The following ZFPM1 variants were observed in gnomAD, a reference collection of about 807,000 sequenced individuals.
ZFPM1 encodes zinc finger protein, FOG family member 1.
Under a neutral mutation model 46.3 loss-of-function variants are expected in ZFPM1, and 28 were observed. The observed-to-expected ratio is 0.60, with a 90% CI of 0.45 to 0.83. The LOEUF is 0.83. Ranked by LOEUF, ZFPM1 falls within the 40% of genes least tolerant of loss-of-function variation. The pLI, the probability that ZFPM1 is intolerant of heterozygous loss-of-function variation, is 0.00. For synonymous variants in ZFPM1, 957 were observed against 675.9 expected, an observed-to-expected ratio of 1.42 and a Z score of -6.45; for missense variants, 1,878 against 1,432.4, an observed-to-expected ratio of 1.31 and a Z score of -5.02.
rs1445014670 is a variant in ZFPM1, at chr16:88,536,109, C to G, written c.*1130C>G. ...TAGCTGGGGCTACAGGTGTACACCACCATGCCCAGCTAGTTTTTGTGTTTT... is the reference window on the plus strand; with the variant it reads ...TAGCTGGGGCTACAGGTGTACACCAGCATGCCCAGCTAGTTTTTGTGTTTT... On this transcript the variant is annotated 3_prime_UTR_variant, in exon 10 of 10. Coordinates refer to ENST00000319555, the MANE Select transcript of ZFPM1 (RefSeq NM_153813.3). The G allele has an allele frequency of 1.9e-4, 29 of 152,154 alleles. No homozygotes were observed. Among genetic ancestry groups the G allele is most frequent in the Non-Finnish European group, 2.9e-5 (2 of 68,040 alleles). The allele number at this position is 152,154 out of a possible 1,614,324, so 9.4% of individuals were successfully genotyped here.
intron 3 of ZFPM1, 59 bp downstream of exon 3, chr16:88,489,212 C>T (rs1909417559): frequency 6.5e-7 from 1 of 1,531,718 alleles, no homozygotes. Context: ...GGCCCGGCCC[C>T]TGGGAGCAGG....
intron 1 of ZFPM1, among the ~76,000 whole-genome samples, chr16:88,460,442 T>C (rs1490033487): frequency 6.6e-6 from 1 of 152,164 alleles, no homozygotes; most frequent in Non-Finnish European, 1.5e-5. Flanking sequence ...GTTGGTTCAA[T>C]GGGCATACCC....
Position 88,471,985 on chromosome 16 carries a change from T to A in ZFPM1, c.41-13954T>A, listed in dbSNP as rs1283347681. On this transcript the variant is annotated intron_variant, in intron 1 of 9. Coordinates refer to ENST00000319555, the MANE Select transcript of ZFPM1 (RefSeq NM_153813.3). The surrounding 1 kb of genome is among the most constrained non-coding windows in gnomAD (Gnocchi z 4.1). ...GGGAGTGGAGCCAGAAGCCTGGGCC[T>A]CCCCGGTAGGAGCCCGGCAGGGCCA... 1.3e-5 allele frequency among the ~76,000 whole-genome samples: 2 copies of A among 152,190 alleles called. No individual in the cohort carries two copies. Among genetic ancestry groups the A allele is most frequent in the Non-Finnish European group, 2.9e-5 (2 of 68,028 alleles).
At chr16:88,484,414 C>T (rs1216551976) in intron 1 of ZFPM1, among the ~76,000 whole-genome samples, 2 of 152,226 alleles carry the variant, frequency 1.3e-5, no homozygotes, top group African/African-American at 4.8e-5. Flanking sequence ...TCTGTTCTGC[C>T]CCACCCCCAC....
At chr16:88,500,795 C>T (rs1273822195) in intron 3 of ZFPM1, among the ~76,000 whole-genome samples, 4 of 152,256 alleles carry the variant, frequency 2.6e-5, no homozygotes, top group African/African-American at 7.2e-5. Flanking sequence ...GCAGGGCCCA[C>T]AGTTTCTCTT....
chr16:88,520,896 TGTGGGTGGATGGATGGATGGATGATTCG>T (rs1911822339), intron 4 of ZFPM1, among the ~76,000 whole-genome samples: 1 of 24,626 alleles, frequency 4.1e-5, no homozygotes, highest in Non-Finnish European at 7.9e-5. Flanking sequence ...AGGGAGGGAG[TGTGGGTGGATGGATGGATGGATGATTCG>T]GTGGGTGGGT....
intron 3 of ZFPM1, among the ~76,000 whole-genome samples, chr16:88,506,887 C>T (rs941584900): frequency 6.6e-6 from 1 of 152,230 alleles, no homozygotes; most frequent in Non-Finnish European, 1.5e-5. Context: ...CCGTCACCCG[C>T]GTCTCATCCG....
At chr16:88,473,037 C>T (rs944360882) in intron 1 of ZFPM1, among the ~76,000 whole-genome samples, 1 of 152,256 alleles carries the variant, frequency 6.6e-6, no homozygotes, top group Non-Finnish European at 1.5e-5. Flanking sequence ...GCAGGCCCTG[C>T]GGCGCTGCCG....
At chr16:88,467,252 G>A (rs76578262) in intron 1 of ZFPM1, among the ~76,000 whole-genome samples, 3,775 of 152,164 alleles carry the variant, frequency 0.025, 146 homozygotes, top group African/African-American at 0.086. Context: ...ACCAGGAGCC[G>A]CAGCAAACAA....
At chr16:88,462,117 G>T (rs148992271) in intron 1 of ZFPM1, among the ~76,000 whole-genome samples, 4 of 152,206 alleles carry the variant, frequency 2.6e-5, no homozygotes, top group East Asian at 1.9e-4. Context: ...GGGCAGAGCC[G>T]CGTGAGCAGA....
At chr16:88,531,364 T>C (rs904044278) in intron 6 of ZFPM1, among the ~76,000 whole-genome samples, 2 of 152,162 alleles carry the variant, frequency 1.3e-5, no homozygotes, top group Admixed American at 6.5e-5. Context: ...TCTCAACAGT[T>C]ATAAGCAGCC....
In ZFPM1 at chr16:88,495,730, C is replaced by T. The variant is rs932202941; in HGVS notation, c.268+6577C>T. ...GTGTGTGAAGTAACATGAGGGAAGC[C>T]GGGGCTCTATGGCCCCGGATGGAAG... On this transcript the variant is annotated intron_variant, in intron 3 of 9. Transcript: ENST00000319555. Among the ~76,000 whole-genome samples, 22 of 152,274 alleles carry T rather than the reference C, an allele frequency of 1.4e-4. No homozygotes were observed. In the South Asian group the frequency reaches 2.7e-3, roughly 19 times the overall value.
In ZFPM1 at chr16:88,533,816, G is replaced by A; in HGVS notation, c.1858G>A (p.Gly620Ser). 2.9e-6 allele frequency: 3 copies of A among 1,036,004 alleles called. No homozygotes were observed. Among genetic ancestry groups the A allele is most frequent in the African/African-American group, 1.8e-5 (1 of 57,044 alleles). 64.2% of individuals were successfully genotyped at this position (1,036,004 alleles called of 1,614,324 possible). ...PAARRPKAPP[G>S]PARAPPGQPA... ...CGCGCGCAGGCCCAAGGCGCCCCCC[G>A]GCCCGGCCCGCGCGCCCCCCGGCCA... Residue 620 changes from glycine (G) to serine (S), a missense_variant, in exon 10 of 10, where the codon GGC (glycine) becomes AGC (serine). Gly to Ser is a moderately conservative substitution (Grantham distance 56). Coordinates refer to ENST00000319555, the MANE Select transcript of ZFPM1 (RefSeq NM_153813.3).
chr16:88,534,157 T>G lies in ZFPM1; in HGVS notation c.2199T>G (p.Ser733=), dbSNP rs1024126544. Residue 733 remains serine, a synonymous_variant, in exon 10 of 10, where the codon TCT becomes TCG. Transcript: ENST00000319555. ...GGCCGGCCGCGCCCCCGGCCCCCTCTCCCGCCGCGCCTGTGCGCACGCGCA... is the reference window on the plus strand; with the variant it reads ...GGCCGGCCGCGCCCCCGGCCCCCTCGCCCGCCGCGCCTGTGCGCACGCGCA... ...PPGPAAPPAP[S]PAAPVRTRRR... is the part of the protein sequence containing the mutation. 223 of 963,532 alleles carry G rather than the reference T, an allele frequency of 2.3e-4. No individual in the cohort carries two copies. Among genetic ancestry groups the G allele is most frequent in the African/African-American group, 1.7e-3 (79 of 45,330 alleles). The allele number at this position is 963,532 out of a possible 1,614,324, so 59.7% of individuals were successfully genotyped here.
At chr16:88,526,665 C>T (rs1912348964) in intron 4 of ZFPM1, 149 bp from the exon 5 acceptor site, 1 of 841,044 alleles carries the variant, frequency 1.2e-6, no homozygotes. Flanking sequence ...ACACCTCTGC[C>T]AGCTCTTGGG....
At position 88,533,586 on chromosome 16, in the gene ZFPM1, T is replaced by C. The variant is rs752677922; in HGVS notation, c.1628T>C (p.Leu543Pro). ...GCGGCGCCCCCCGCCTCGGAGATCC[T>C]GGCCAAGATGTCCGAGCTGGTGCAC... ...PDAAPPASEI[L>P]AKMSELVHSR... The change falls in exon 10 of 10, where the codon CTG (leucine) becomes CCG (proline). Residue 543 changes from leucine (L) to proline (P), a missense_variant. Physicochemically the swap from Leu to Pro is moderately conservative, Grantham distance 98. Coordinates refer to ENST00000319555, the MANE Select transcript of ZFPM1 (RefSeq NM_153813.3). 3.3e-6 allele frequency: 5 copies of C among 1,499,106 alleles called. No individual in the cohort carries two copies. The highest frequency in any genetic ancestry group is 4.4e-6 in the Non-Finnish European group (5 of 1,124,026). 92.9% of individuals were successfully genotyped at this position (1,499,106 alleles called of 1,614,324 possible). A position where few individuals can be genotyped will look rare whatever the true frequency, so the allele number is the denominator to read the frequency against.
chr16:88,461,239 G>GCGGGAGGCCC (rs1567525932), intron 1 of ZFPM1, among the ~76,000 whole-genome samples: 16 of 64,538 alleles, frequency 2.5e-4, no homozygotes, highest in African/African-American at 1.2e-3. Context: ...GGACCCAGGG[G>GCGGGAGGCCC]TGGGGCGGGA....
chr16:88,474,267 A>C (rs1417840857), intron 1 of ZFPM1, among the ~76,000 whole-genome samples: 4 of 152,042 alleles, frequency 2.6e-5, no homozygotes, highest in Admixed American at 6.5e-5. Flanking sequence ...GGACCAGCCC[A>C]CTGGCCCTGG....
chr16:88,463,641 G>A (rs576608005), intron 1 of ZFPM1, among the ~76,000 whole-genome samples: 19 of 152,366 alleles, frequency 1.2e-4, no homozygotes, highest in African/African-American at 3.4e-4. Context: ...CCCCAGCCCC[G>A]GAGCTTGAGC....
Sources: allele counts gnomAD v4.1 joint callset (sites outside exome capture counted in the v4.1 genomes callset), GRCh38; gene constraint gnomAD v4.1.1; non-coding constraint Gnocchi (gnomAD v3.1); transcripts MANE v1.5; gene names NCBI Gene and HGNC (gene_info 2026-07-23, HGNC 2026-07-21).